The following ADAM9 variants were observed in gnomAD, a reference collection of about 807,000 sequenced individuals.
ADAM9 encodes disintegrin and metalloproteinase domain-containing protein 9.
In ADAM9, 54 loss-of-function variants were observed where a neutral mutation model predicts 108.1. The observed-to-expected ratio is 0.50, with a 90% CI of 0.40 to 0.63. The LOEUF is 0.63. Among genes scored for constraint, ADAM9 ranks in the 20% least tolerant of loss-of-function variants. The pLI is 0.00. For missense variants in ADAM9, 830 were observed against 997.7 expected (o/e 0.83, Z 2.26); for synonymous variants, 316 against 336.0 (o/e 0.94, Z 0.65).
chr8:39,048,249 A>C (rs559158041), intron 12 of ADAM9, among the ~76,000 whole-genome samples: 1 of 151,956 alleles, frequency 6.6e-6, no homozygotes, highest in South Asian at 2.1e-4. Context: ...ATAAGTTTTT[A>C]CATATTGTGT....
At chr8:39,030,693 A>T (rs763221494) in intron 11 of ADAM9, among the ~76,000 whole-genome samples, 1 of 152,228 alleles carries the variant, frequency 6.6e-6, no homozygotes, top group African/African-American at 2.4e-5. Context: ...CAAAGTAGCT[A>T]TACCATTTTG....
At chr8:39,001,763 G>A (rs1411566867) in intron 1 of ADAM9, among the ~76,000 whole-genome samples, 1 of 152,002 alleles carries the variant, frequency 6.6e-6, no homozygotes, top group East Asian at 1.9e-4. Context: ...TGCCTCCCAG[G>A]TTCAAGCGAT....
At chr8:39,100,630 A>G (rs1214369414) in intron 20 of ADAM9, among the ~76,000 whole-genome samples, 1 of 152,050 alleles carries the variant, frequency 6.6e-6, no homozygotes. Context: ...ATTTTGTTGC[A>G]TTTTTCACCC....
At chr8:39,033,104 A>G (rs1454423270) in intron 11 of ADAM9, among the ~76,000 whole-genome samples, 2 of 152,214 alleles carry the variant, frequency 1.3e-5, no homozygotes, top group Non-Finnish European at 2.9e-5. Context: ...TTCATCAGAT[A>G]GTGTTATAGT....
intron 16 of ADAM9, among the ~76,000 whole-genome samples, chr8:39,081,914 C>T (rs1295572100): frequency 6.6e-6 from 1 of 152,116 alleles, no homozygotes; most frequent in African/African-American, 2.4e-5. Context: ...GCAGTTTTCA[C>T]AAAGATGTCA....
At position 39,042,030 on chromosome 8, in the gene ADAM9, T is replaced by C. The variant is rs758376197; in HGVS notation, c.1215T>C (p.Ile405=). ...AAGGAGGAAACTGCCTTCTTAATAT[T>C]CCAAAGCCTGATGAAGCCTATAGTG... ...LNKGGNCLLN[I]PKPDEAYSAP... is the part of the protein sequence containing the mutation. Residue 405 remains isoleucine (I), a synonymous_variant, in exon 12 of 22, where the codon ATT becomes ATC. Transcript: ENST00000487273. 5 of 1,614,132 alleles carry C rather than the reference T, an allele frequency of 3.1e-6. No homozygotes were observed. The highest frequency in any genetic ancestry group is 4.5e-5 in the East Asian group (2 of 44,886).
At chr8:39,096,892 T>A (rs1839523343) in intron 20 of ADAM9, among the ~76,000 whole-genome samples, 2 of 152,186 alleles carry the variant, frequency 1.3e-5, no homozygotes, top group Admixed American at 1.3e-4. Flanking sequence ...ATACATCATT[T>A]TCCTGATTTC....
intron 21 of ADAM9, 121 bp from the exon 22 acceptor site, chr8:39,103,486 G>T: frequency 1.0e-6 from 1 of 962,036 alleles, no homozygotes; most frequent in African/African-American, 1.6e-5. Flanking sequence ...ATCTCAGAAT[G>T]TACAGTACCC....
intron 20 of ADAM9, among the ~76,000 whole-genome samples, chr8:39,094,678 T>A (rs765690659): frequency 6.6e-6 from 1 of 152,096 alleles, no homozygotes; most frequent in Non-Finnish European, 1.5e-5. Flanking sequence ...AGGAATTTAT[T>A]TTTTTCTAGG....
At chr8:39,071,233 C>T in intron 14 of ADAM9, 65 bp from the exon 15 acceptor site, 1 of 1,500,226 alleles carries the variant, frequency 6.7e-7, no homozygotes, top group Admixed American at 1.7e-5. Flanking sequence ...GTAGGGAATA[C>T]TTTTATTTCA....
At position 39,084,981 on chromosome 8, in the gene ADAM9, A is replaced by G. The variant is rs187364838; in HGVS notation, c.2068+1908A>G. 1.2e-4 allele frequency among the ~76,000 whole-genome samples: 18 copies of G among 152,222 alleles called. No homozygotes were observed. In the East Asian group the frequency reaches 3.1e-3, roughly 26 times the overall value. The stretch of plus-strand genomic sequence containing the variant: ...CCCTAGTAATATTCTCTGCCCTGCA[A>G]TGAGATATTGTTAATATAGCTACTC... On this transcript the variant is annotated intron_variant, in intron 18 of 21. Transcript: ENST00000487273.
chr8:39,101,722 C>T (rs1444767128), intron 20 of ADAM9, 141 bp from the exon 21 acceptor site: 6 of 749,604 alleles, frequency 8.0e-6, no homozygotes, highest in Non-Finnish European at 1.3e-5. Flanking sequence ...AAATTTGAAA[C>T]TCTTCTGGTT....
intron 4 of ADAM9, chr8:39,014,452 A>T (rs1407286000): frequency 4.5e-6 from 3 of 665,848 alleles, no homozygotes. Context: ...ATGTGTTCTA[A>T]TGTTCTAAAT....
intron 6 of ADAM9, among the ~76,000 whole-genome samples, chr8:39,018,137 A>C (rs1248445777): frequency 6.6e-6 from 1 of 152,182 alleles, no homozygotes; most frequent in Non-Finnish European, 1.5e-5. Flanking sequence ...CTAGGACTAG[A>C]TCAACTTCAG....
chr8:39,011,862 C>G, intron 3 of ADAM9, 146 bp downstream of exon 3: 1 of 753,304 alleles, frequency 1.3e-6, no homozygotes, highest in Middle Eastern at 2.4e-4. Context: ...ACAGTGGCAG[C>G]TGGCTGGGCA....
chr8:39,103,541 G>A, intron 21 of ADAM9, 66 bp from the exon 22 acceptor site: 1 of 1,451,014 alleles, frequency 6.9e-7, no homozygotes, highest in Non-Finnish European at 9.7e-7. Flanking sequence ...TGTTGAGCTT[G>A]TAATGAATAT....
chr8:39,006,457 A>G (rs1836163542), intron 1 of ADAM9, among the ~76,000 whole-genome samples: 1 of 150,776 alleles, frequency 6.6e-6, no homozygotes. Context: ...TATTTGAGAA[A>G]TCTGAGGGGT....
At chr8:39,004,920 A>G (rs907015172) in intron 1 of ADAM9, among the ~76,000 whole-genome samples, 11 of 152,136 alleles carry the variant, frequency 7.2e-5, no homozygotes, top group African/African-American at 2.2e-4. Flanking sequence ...CTTTACCGCA[A>G]ACTGTTTTAT....
chr8:39,037,117 C>T (rs1223168943), intron 11 of ADAM9, among the ~76,000 whole-genome samples: 1 of 129,082 alleles, frequency 7.7e-6, no homozygotes, highest in Non-Finnish European at 1.6e-5. Context: ...AGTGCAGTGG[C>T]GCAGTCTCGG....
Sources: gnomAD v4.1 joint callset for allele counts (sites outside exome capture counted in the v4.1 genomes callset) on GRCh38, gnomAD v4.1.1 for gene constraint, MANE v1.5 for transcripts, NCBI Gene and HGNC (gene_info 2026-07-23, HGNC 2026-07-21) for gene names.